Variants in FER observed in about 807,000 individuals in gnomAD.
FER encodes the protein FER tyrosine kinase, also known as tyrosine-protein kinase Fer.
In FER, 63 loss-of-function variants were observed where a neutral mutation model predicts 111.0. The observed-to-expected ratio is 0.57, with a 90% CI of 0.46 to 0.70. The LOEUF is 0.70. FER is among the 30% of genes least tolerant of loss of function. The pLI is 0.00. For missense variants in FER, 914 were observed against 954.0 expected, an observed-to-expected ratio of 0.96 and a Z score of 0.55; for synonymous variants, 327 against 313.9, an observed-to-expected ratio of 1.04 and a Z score of -0.44.
intron 17 of FER, among the ~76,000 whole-genome samples, chr5:109,145,358 A>G (rs72796596): frequency 0.43 from 64,706 of 151,914 alleles, 14,067 homozygotes; most frequent in African/African-American, 0.46. Context: ...CTTCTTTGCT[A>G]AGCTTTACAA....
At chr5:108,828,040 A>G (rs181749531) in intron 3 of FER, among the ~76,000 whole-genome samples, 1 of 148,962 alleles carries the variant, frequency 6.7e-6, no homozygotes, top group African/African-American at 2.5e-5. Context: ...TTGATTAAAA[A>G]TTTTTTTTTT....
At chr5:108,849,348 G>C (rs768434940) in intron 5 of FER, among the ~76,000 whole-genome samples, 20 of 151,632 alleles carry the variant, frequency 1.3e-4, no homozygotes, top group Non-Finnish European at 2.1e-4. Flanking sequence ...TTTTCCCCTT[G>C]TCTTTTTTTT....
At chr5:108,863,768 A>G (rs1763759802) in intron 5 of FER, among the ~76,000 whole-genome samples, 1 of 152,228 alleles carries the variant, frequency 6.6e-6, no homozygotes, top group Admixed American at 6.5e-5. Context: ...GGCATACCTC[A>G]TAGTAAGGAG....
At chr5:108,810,280 G>T (rs1449514158) in intron 3 of FER, among the ~76,000 whole-genome samples, 1 of 152,160 alleles carries the variant, frequency 6.6e-6, no homozygotes, top group Non-Finnish European at 1.5e-5. Flanking sequence ...CGTGGCTGTG[G>T]CTAACACAGC....
At chr5:109,026,864 A>G (rs1383095173) in intron 13 of FER, among the ~76,000 whole-genome samples, 2 of 152,054 alleles carry the variant, frequency 1.3e-5, no homozygotes, top group East Asian at 3.9e-4. Flanking sequence ...TATTTTTAGT[A>G]GAAACGGGGT....
chr5:108,982,550 A>G (rs73778376), intron 13 of FER, among the ~76,000 whole-genome samples: 1,756 of 152,210 alleles, frequency 0.012, 22 homozygotes, highest in African/African-American at 0.04. Context: ...GTCTTATAGA[A>G]CTCAAAAGAA....
chr5:108,782,576 T>C (rs1002993680), intron 2 of FER: 1 of 152,210 alleles, frequency 6.6e-6, no homozygotes, highest in Non-Finnish European at 1.5e-5. Context: ...GTATTTTTTT[T>C]CTCTAAATGT....
At chr5:108,799,871 C>A (rs1269866063) in intron 3 of FER, among the ~76,000 whole-genome samples, 2 of 140,876 alleles carry the variant, frequency 1.4e-5, no homozygotes, top group Non-Finnish European at 3.0e-5. Context: ...GAGATGCAGT[C>A]TCACTTTCTC....
chr5:109,004,359 T>A (rs1765225803), intron 13 of FER, among the ~76,000 whole-genome samples: 8 of 152,206 alleles, frequency 5.3e-5, no homozygotes, highest in Admixed American at 5.2e-4. Flanking sequence ...AAAATATTCA[T>A]ATCCTTTTTC....
chr5:108,807,697 G>A (rs1477906257), intron 3 of FER, among the ~76,000 whole-genome samples: 3 of 151,966 alleles, frequency 2.0e-5, no homozygotes, highest in Non-Finnish European at 4.4e-5. Flanking sequence ...TGATCTTCTA[G>A]GTATAGTATT....
intron 16 of FER, among the ~76,000 whole-genome samples, chr5:109,091,383 A>T (rs927445379): frequency 6.6e-6 from 1 of 152,172 alleles, no homozygotes; most frequent in Non-Finnish European, 1.5e-5. Context: ...CAAGCCATAA[A>T]CCTTGGTGGT....
intron 13 of FER, among the ~76,000 whole-genome samples, chr5:108,988,129 C>G (rs1303270251): frequency 1.3e-5 from 2 of 152,086 alleles, no homozygotes; most frequent in Non-Finnish European, 2.9e-5. Context: ...CCCTGCATCC[C>G]TGGTATGAAA....
rs141186499 is a variant in FER at position 109,170,549 on chromosome 5, C to A, written c.2049-10198C>A. On this transcript the variant is annotated intron_variant, in intron 17 of 19. Transcript: ENST00000281092. Reference sequence around the variant, plus strand: ...TTTCTGTATCCATATACAAAGACATCTATGCCTCTGAGTGTGATTGTTAGG... The same window carrying A: ...TTTCTGTATCCATATACAAAGACATATATGCCTCTGAGTGTGATTGTTAGG... Among the ~76,000 whole-genome samples the A allele has an allele frequency of 3.4e-4, 52 of 152,268 alleles. No individual in the cohort carries two copies. In the East Asian group the frequency reaches 0.01, roughly 29 times the overall value.
chr5:108,851,603 T>C (rs1440867793), intron 5 of FER, among the ~76,000 whole-genome samples: 1 of 152,196 alleles, frequency 6.6e-6, no homozygotes, highest in African/African-American at 2.4e-5. Context: ...TGCATGCCAA[T>C]TTTATAATAT....
intron 16 of FER, among the ~76,000 whole-genome samples, chr5:109,087,640 A>T (rs1412808826): frequency 2.6e-4 from 9 of 34,278 alleles, no homozygotes; most frequent in Non-Finnish European, 5.4e-4. Context: ...TGTCATTGTA[A>T]TCCTCATTGG....
intron 16 of FER, 146 bp from the exon 17 acceptor site, chr5:109,100,250 T>A (rs776824119): frequency 4.3e-5 from 34 of 794,684 alleles, no homozygotes; most frequent in Non-Finnish European, 5.6e-5. Context: ...TTTTCTGTTA[T>A]CCTCACGTCA....
chr5:108,800,435 T>C (rs1756512961), intron 3 of FER, among the ~76,000 whole-genome samples: 1 of 152,124 alleles, frequency 6.6e-6, no homozygotes, highest in South Asian at 2.1e-4. Flanking sequence ...ATTGCAGCCT[T>C]GACCACCCAG....
At chr5:108,750,068 C>G (rs1750297486) in intron 1 of FER, among the ~76,000 whole-genome samples, 1 of 152,172 alleles carries the variant, frequency 6.6e-6, no homozygotes, top group African/African-American at 2.4e-5. Flanking sequence ...ATGGTTGTCT[C>G]ACTATCACTT....
At chr5:108,806,591 C>A (rs1561447798) in intron 3 of FER, among the ~76,000 whole-genome samples, 1 of 152,234 alleles carries the variant, frequency 6.6e-6, no homozygotes, top group Non-Finnish European at 1.5e-5. Context: ...CTATGGGAAC[C>A]CGCCTCTTGC....
Sources: allele counts gnomAD v4.1 joint callset (sites outside exome capture counted in the v4.1 genomes callset), GRCh38; gene constraint gnomAD v4.1.1; transcripts MANE v1.5; gene names NCBI Gene and HGNC (gene_info 2026-07-23, HGNC 2026-07-21).